Variants in SH2B1 observed in about 807,000 individuals in gnomAD.
SH2B1 encodes SH2B adapter protein 1.
Under a neutral mutation model 62.6 loss-of-function variants are expected in SH2B1, and 15 were observed. The ratio of observed to expected loss-of-function variants is 0.24; its 90% CI spans 0.16 to 0.37. The LOEUF (loss-of-function observed/expected upper bound fraction) is 0.37, where lower values mean the gene tolerates loss of function less well. Among genes scored for constraint, SH2B1 ranks in the 10% least tolerant of loss-of-function variants. The probability of loss-of-function intolerance (pLI) is 1.00; values close to 1 mark genes in which losing one functional copy is unlikely to be tolerated. For synonymous variants in SH2B1, 443 were observed against 438.0 expected, an observed-to-expected ratio of 1.01 and a Z score of -0.14; for missense variants, 925 against 1,015.6, an observed-to-expected ratio of 0.91 and a Z score of 1.21.
At position 28,866,325 on chromosome 16, in the gene SH2B1, A is replaced by G. The variant is rs1364817022; in HGVS notation, c.231A>G (p.Glu77=). 6.2e-7 allele frequency: 1 copy of G among 1,611,990 alleles called. No homozygotes were observed. Among genetic ancestry groups the G allele is most frequent in the South Asian group, 1.1e-5 (1 of 91,044 alleles). ...RFAELFLQHF[E]AEVARASGSL... ...CTGAGCTCTTCCTGCAGCACTTTGA[A>G]GCCGAGGTGGCCCGGGCCTCTGGCT... Residue 77 remains glutamate (E), a synonymous_variant, in exon 1 of 8, where the codon GAA becomes GAG. Transcript: ENST00000684370. The surrounding 1 kb of genome is among the most constrained non-coding windows in gnomAD (Gnocchi z 6.3).
At chr16:28,852,274 A>G (rs563577380) in intron 1 of SH2B1, among the ~76,000 whole-genome samples, 1 of 76,464 alleles carries the variant, frequency 1.3e-5, no homozygotes, top group South Asian at 4.0e-4. Context: ...ATATATATTT[A>G]CATATATATA....
Position 28,866,074 on chromosome 16 carries a change from C to G in SH2B1, c.-21C>G. ...TCTTTGTGCCCCACAGGCTCCCCCT[C>G]TCCACCTCCTGGGGCCCATCATGAA... On this transcript the variant is annotated 5_prime_UTR_variant, in exon 1 of 8. Coordinates refer to ENST00000684370, the MANE Select transcript of SH2B1 (RefSeq NM_001387430.1). The surrounding 1 kb of genome is among the most constrained non-coding windows in gnomAD (Gnocchi z 6.3). 1 of 1,519,182 alleles carries G rather than the reference C, an allele frequency of 6.6e-7. No homozygotes were observed. The highest frequency in any genetic ancestry group is 1.3e-5 in the South Asian group (1 of 77,488). 94.1% of individuals were successfully genotyped at this position (1,519,182 alleles called of 1,614,324 possible).
Position 28,873,195 on chromosome 16 carries a change from G to T in SH2B1, c.1898-252G>T, listed in dbSNP as rs769627655. Reference sequence around the variant, plus strand: ...GCCGGGAGCAGGCTGGGAGCCATGCGGGGGTGTGCGAGGGAGATGGATGCC... The same window carrying T: ...GCCGGGAGCAGGCTGGGAGCCATGCTGGGGTGTGCGAGGGAGATGGATGCC... On this transcript the variant is annotated intron_variant, in intron 7 of 7. Transcript: ENST00000684370. The surrounding 1 kb of genome is among the most constrained non-coding windows in gnomAD (Gnocchi z 4.2). The T allele has an allele frequency of 1.3e-6, 2 of 1,593,396 alleles. No individual in the cohort carries two copies. The highest frequency in any genetic ancestry group is 1.7e-5 in the Admixed American group (1 of 57,296).
intron 2 of SH2B1, among the ~76,000 whole-genome samples, chr16:28,868,481 C>T (rs1234685362): frequency 3.3e-5 from 5 of 151,518 alleles, no homozygotes; most frequent in East Asian, 3.9e-4. Flanking sequence ...ATTTTTGAGA[C>T]GGCATTTTAC....
At chr16:28,853,894 G>A (rs1185074228) in intron 1 of SH2B1, among the ~76,000 whole-genome samples, 1 of 150,942 alleles carries the variant, frequency 6.6e-6, no homozygotes, top group Non-Finnish European at 1.5e-5. Context: ...CCAGCTACTC[G>A]GGAGGCTGAG....
Position 28,873,936 on chromosome 16 carries a change from C to A in SH2B1, c.*116C>A. On this transcript the variant is annotated 3_prime_UTR_variant, in exon 8 of 8. Coordinates refer to ENST00000684370, the MANE Select transcript of SH2B1 (RefSeq NM_001387430.1). The surrounding 1 kb of genome is among the most constrained non-coding windows in gnomAD (Gnocchi z 4.2). The stretch of plus-strand genomic sequence containing the variant: ...CCCATGCTTCCTGACCCTTGTTGGC[C>A]AAGGGCATCTTTGATGGTACAAGCA... 2.8e-6 allele frequency: 3 copies of A among 1,073,862 alleles called. No individual in the cohort carries two copies. Among genetic ancestry groups the A allele is most frequent in the South Asian group, 2.9e-5 (1 of 34,844 alleles). The allele number at this position is 1,073,862 out of a possible 1,614,324, so 66.5% of individuals were successfully genotyped here.
chr16:28,867,039 GC>G lies in SH2B1; in HGVS notation c.939+10del, dbSNP rs34045108. 7 of 1,598,626 alleles carry G rather than the reference GC, an allele frequency of 4.4e-6. No homozygotes were observed. The African/African-American group carries it at 9.3e-5, about 21-fold the overall frequency. ...AGTTCTTTGTACCACCCAAGGTGAG[GC>G]CCCTTGGAGGGTGGGTGACTGAGAG... On this transcript the variant is annotated splice_region_variant and intron_variant, in intron 1 of 7. Coordinates refer to ENST00000684370, the MANE Select transcript of SH2B1 (RefSeq NM_001387430.1).
upstream of SH2B1, chr16:28,863,571 C>G: frequency 2.7e-6 from 3 of 1,099,488 alleles, no homozygotes; most frequent in Non-Finnish European, 3.9e-6. Context: ...GGCCGGTTCT[C>G]TATGGTCGAC....
At position 28,865,285 on chromosome 16, in the gene SH2B1, AT is replaced by A; in HGVS notation, c.-809del. ...AAGAAGTGGGCTGTAGCTATTTCAC[AT>A]CTCCTTCACGCAGTGCGTGGGTGCT... On this transcript the variant is annotated 5_prime_UTR_variant, in exon 1 of 8. Coordinates refer to ENST00000684370, the MANE Select transcript of SH2B1 (RefSeq NM_001387430.1). 1.0e-6 allele frequency: 1 copy of A among 985,664 alleles called. No homozygotes were observed. The highest frequency in any genetic ancestry group is 1.2e-6 in the Non-Finnish European group (1 of 829,974). 61.1% of individuals were successfully genotyped at this position (985,664 alleles called of 1,614,324 possible).
chr16:28,870,541 T>C (rs1411799516), intron 4 of SH2B1, among the ~76,000 whole-genome samples: 2 of 152,016 alleles, frequency 1.3e-5, no homozygotes, highest in Non-Finnish European at 2.9e-5. Flanking sequence ...AAGGTAAAGC[T>C]CAAGTTGGTG....
At position 28,873,977 on chromosome 16, in the gene SH2B1, CT is replaced by C; in HGVS notation, c.*158del. 3.0e-6 allele frequency: 2 copies of C among 674,504 alleles called. No individual in the cohort carries two copies. Among genetic ancestry groups the C allele is most frequent in the Non-Finnish European group, 4.3e-6 (2 of 465,658 alleles). 41.8% of individuals were successfully genotyped at this position (674,504 alleles called of 1,614,324 possible). Reference sequence around the variant, plus strand: ...GGTACAAGCAGAGGCTCGGGAGAGGCTCCCGTCACACACTACAGGTCCCCTC... The same window carrying C: ...GGTACAAGCAGAGGCTCGGGAGAGGCCCCGTCACACACTACAGGTCCCCTC... On this transcript the variant is annotated 3_prime_UTR_variant, in exon 8 of 8. Coordinates refer to ENST00000684370, the MANE Select transcript of SH2B1 (RefSeq NM_001387430.1). The surrounding 1 kb of genome is among the most constrained non-coding windows in gnomAD (Gnocchi z 4.2).
At position 28,865,989 on chromosome 16, in the gene SH2B1, G is replaced by A; in HGVS notation, c.-106G>A. The A allele has an allele frequency of 6.7e-7, 1 of 1,496,230 alleles. No homozygotes were observed. 92.7% of individuals were successfully genotyped at this position (1,496,230 alleles called of 1,614,324 possible). ...GCGCCCTCAGCAGTGACCCTCGTGT[G>A]TGCCTCTCTCTTCCTTTCGCAGCTG... is the stretch of plus-strand genomic sequence containing the variant. On this transcript the variant is annotated 5_prime_UTR_variant, in exon 1 of 8. In the 5' UTR this introduces an upstream ATG that the reference lacks. Transcript: ENST00000684370.
At position 28,871,936 on chromosome 16, in the gene SH2B1, C is replaced by T; in HGVS notation, c.1466C>T (p.Pro489Leu). 2 of 1,607,662 alleles carry T rather than the reference C, an allele frequency of 1.2e-6. No homozygotes were observed. Among genetic ancestry groups the T allele is most frequent in the Non-Finnish European group, 1.7e-6 (2 of 1,174,642 alleles). ...EEGPPTGTVH[P>L]LSAPYPPLDT... ...GGACCCCCAACAGGGACAGTTCATC[C>T]CCTCTCAGCCCCCTACCCTCCCTTG... The change falls in exon 5 of 8, where the codon CCC becomes CTC. Residue 489 changes from proline (P) to leucine (L), a missense_variant. This residue lies in a region of SH2B1 where 683 missense variants were observed against 704.0 expected (regional missense o/e 0.97). Coordinates refer to ENST00000684370, the MANE Select transcript of SH2B1 (RefSeq NM_001387430.1).
chr16:28,873,079 C>T lies in SH2B1; in HGVS notation c.1898-368C>T. ...GGGGACACTCGGTCTGATCCCCTTC[C>T]CTCCTCCCTCAATGTCTCATGTCCC... is the stretch of plus-strand genomic sequence containing the variant. On this transcript the variant is annotated intron_variant, in intron 7 of 7. Transcript: ENST00000684370. This position sits in a 1 kb window ranked among gnomAD's most constrained non-coding sequence, Gnocchi z 4.2. 2 of 871,814 alleles carry T rather than the reference C, an allele frequency of 2.3e-6. No individual in the cohort carries two copies. Among genetic ancestry groups the T allele is most frequent in the Non-Finnish European group, 3.5e-6 (2 of 577,470 alleles). The allele number at this position is 871,814 out of a possible 1,614,324, so 54.0% of individuals were successfully genotyped here.
Position 28,864,099 on chromosome 16 carries a change from T to A in SH2B1, c.-1996T>A. 1 of 1,253,976 alleles carries A rather than the reference T, an allele frequency of 8.0e-7. No homozygotes were observed. The highest frequency in any genetic ancestry group is 1.0e-6 in the Non-Finnish European group (1 of 992,176). The allele number at this position is 1,253,976 out of a possible 1,614,324, so 77.7% of individuals were successfully genotyped here. ...CGGAGAGTGCAGCAGACAGGGCTGG[T>A]CCCGAGGTGGATGCGGCCCCGGAAA... On this transcript the variant is annotated 5_prime_UTR_variant, in exon 1 of 8. Transcript: ENST00000684370.
chr16:28,872,932 G>C lies in SH2B1; in HGVS notation c.1897+227G>C. On this transcript the variant is annotated intron_variant, in intron 7 of 7. Transcript: ENST00000684370. The surrounding 1 kb of genome is among the most constrained non-coding windows in gnomAD (Gnocchi z 5.3). ...TGGCCGGAGCCGGGGCGGCAGCTGA[G>C]AGGTGGGCGGGCGCATCCCCATTCC... 2 of 667,870 alleles carry C rather than the reference G, an allele frequency of 3.0e-6. No individual in the cohort carries two copies. Among genetic ancestry groups the C allele is most frequent in the Non-Finnish European group, 5.1e-6 (2 of 389,452 alleles). The allele number at this position is 667,870 out of a possible 1,614,324, so 41.4% of individuals were successfully genotyped here. A position where few individuals can be genotyped will look rare whatever the true frequency, so the allele number is the denominator to read the frequency against.
At position 28,873,204 on chromosome 16, in the gene SH2B1, C is replaced by T. The variant is rs759859441; in HGVS notation, c.1898-243C>T. The T allele has an allele frequency of 1.6e-5, 25 of 1,598,456 alleles. No homozygotes were observed. Among genetic ancestry groups the T allele is most frequent in the Admixed American group, 6.9e-5 (4 of 58,308 alleles). ...AGGCTGGGAGCCATGCGGGGGTGTG[C>T]GAGGGAGATGGATGCCACCCCGATG... On this transcript the variant is annotated intron_variant, in intron 7 of 7. Coordinates refer to ENST00000684370, the MANE Select transcript of SH2B1 (RefSeq NM_001387430.1). This position sits in a 1 kb window ranked among gnomAD's most constrained non-coding sequence, Gnocchi z 4.2.
upstream of SH2B1, among the ~76,000 whole-genome samples, chr16:28,859,186 C>T (rs1407052549): frequency 2.0e-5 from 3 of 152,140 alleles, no homozygotes; most frequent in East Asian, 1.9e-4. Context: ...TCGGGTGATT[C>T]GCCTGCCTCA....
chr16:28,867,111 C>G (rs996608967), intron 1 of SH2B1, 78 bp downstream of exon 1: 2 of 1,578,316 alleles, frequency 1.3e-6, no homozygotes, highest in African/African-American at 2.7e-5. Flanking sequence ...CAGATAAGCT[C>G]TGGGGTTTAC....
Sources: allele counts gnomAD v4.1 joint callset (sites outside exome capture counted in the v4.1 genomes callset), GRCh38; gene constraint gnomAD v4.1.1; regional missense constraint gnomAD v4.1.1; non-coding constraint Gnocchi (gnomAD v3.1); transcripts MANE v1.5; gene names NCBI Gene and HGNC (gene_info 2026-07-23, HGNC 2026-07-21).